The following SEC14L1 variants were observed in gnomAD, a reference collection of about 807,000 sequenced individuals.
SEC14L1 encodes SEC14-like protein 1.
SEC14L1 carries 48 observed loss-of-function variants against 85.3 expected under a neutral mutation model. The ratio of observed to expected loss-of-function variants is 0.56; its 90% CI spans 0.45 to 0.72. SEC14L1 has a LOEUF of 0.72. Ranked by LOEUF, SEC14L1 falls within the 30% of genes least tolerant of loss-of-function variation. The pLI, the probability that SEC14L1 is intolerant of heterozygous loss-of-function variation, is 0.00. For missense variants in SEC14L1, 682 were observed against 921.4 expected, an observed-to-expected ratio of 0.74 and a Z score of 3.36; for synonymous variants, 391 against 355.5, an observed-to-expected ratio of 1.10 and a Z score of -1.12.
At chr17:77,174,668 G>C (rs1974671641) in intron 3 of SEC14L1, among the ~76,000 whole-genome samples, 2 of 152,164 alleles carry the variant, frequency 1.3e-5, no homozygotes, top group South Asian at 2.1e-4. Flanking sequence ...AGTGGGACCT[G>C]TCTCCTCACG....
intron 3 of SEC14L1, among the ~76,000 whole-genome samples, chr17:77,109,627 C>G (rs910972125): frequency 4.6e-5 from 7 of 152,114 alleles, no homozygotes; most frequent in African/African-American, 1.7e-4. Context: ...AAAACAAGGG[C>G]CTCCTATGAT....
At chr17:77,203,507 G>C in intron 9 of SEC14L1, 63 bp from the exon 10 acceptor site, 1 of 1,393,856 alleles carries the variant, frequency 7.2e-7, no homozygotes, top group Non-Finnish European at 1.0e-6. Flanking sequence ...AAGGGTCTTA[G>C]AGTTGTATCC....
At chr17:77,188,950 T>A (rs930701275) in intron 3 of SEC14L1, among the ~76,000 whole-genome samples, 2 of 152,198 alleles carry the variant, frequency 1.3e-5, no homozygotes, top group African/African-American at 2.4e-5. Context: ...TCACTTCCTG[T>A]CTCTTGCACA....
intron 3 of SEC14L1, among the ~76,000 whole-genome samples, chr17:77,167,429 C>A (rs1974334903): frequency 6.6e-6 from 1 of 152,216 alleles, no homozygotes; most frequent in South Asian, 2.1e-4. Flanking sequence ...GCCACTGCGC[C>A]TGGCCAGTTT....
intron 3 of SEC14L1, among the ~76,000 whole-genome samples, chr17:77,189,582 C>A (rs952227761): frequency 4.6e-5 from 7 of 152,086 alleles, no homozygotes; most frequent in South Asian, 2.1e-4. Context: ...GTTTGTAAAT[C>A]CCTCCTCCCA....
intron 3 of SEC14L1, among the ~76,000 whole-genome samples, chr17:77,125,464 T>G (rs1972421817): frequency 1.3e-5 from 2 of 151,544 alleles, no homozygotes; most frequent in Admixed American, 1.3e-4. Context: ...TATTATGTCA[T>G]GCACATGACA....
chr17:77,179,079 G>T (rs777859814), intron 3 of SEC14L1, among the ~76,000 whole-genome samples: 31 of 152,264 alleles, frequency 2.0e-4, no homozygotes, highest in Non-Finnish European at 4.3e-4. Flanking sequence ...ATCATGTCTG[G>T]AACTCTTGGA....
intron 6 of SEC14L1, among the ~76,000 whole-genome samples, chr17:77,194,043 C>T (rs889327800): frequency 2.6e-5 from 4 of 152,096 alleles, no homozygotes; most frequent in Non-Finnish European, 4.4e-5. Flanking sequence ...TTTCAGGGTA[C>T]TGTGTTGGAA....
intron 3 of SEC14L1, among the ~76,000 whole-genome samples, chr17:77,100,788 T>C (rs2143314429): frequency 6.6e-6 from 1 of 152,244 alleles, no homozygotes; most frequent in East Asian, 1.9e-4. Flanking sequence ...CCTGGTGGCC[T>C]CTCAGCGTAA....
At chr17:77,151,589 TG>T (rs1004767230) in intron 3 of SEC14L1, among the ~76,000 whole-genome samples, 187 of 3,484 alleles carry the variant, frequency 0.054, 1 homozygote, top group Admixed American at 0.092. Context: ...CTGATTTACC[TG>T]GTTTTTATAA....
chr17:77,198,578 T>C (rs572943533), intron 8 of SEC14L1, among the ~76,000 whole-genome samples: 392 of 147,636 alleles, frequency 2.7e-3, no homozygotes, highest in Non-Finnish European at 4.3e-3. Flanking sequence ...TGAGATCTCT[T>C]TTTTTTTTTT....
intron 3 of SEC14L1, among the ~76,000 whole-genome samples, chr17:77,110,485 C>T (rs1972020839): frequency 6.6e-6 from 1 of 152,116 alleles, no homozygotes; most frequent in African/African-American, 2.4e-5. Context: ...AGAGACACAG[C>T]CCTCAGGAGG....
chr17:77,148,720 C>T (rs1973423714), intron 3 of SEC14L1, among the ~76,000 whole-genome samples: 1 of 152,196 alleles, frequency 6.6e-6, no homozygotes, highest in Non-Finnish European at 1.5e-5. Context: ...ACCAGGGGTC[C>T]CTTGTTCCTT....
intron 3 of SEC14L1, among the ~76,000 whole-genome samples, chr17:77,108,738 C>CA (rs1207827363): frequency 1.1e-4 from 8 of 72,016 alleles, no homozygotes; most frequent in South Asian, 4.4e-4. Context: ...GGCTCTGTCT[C>CA]AAAAAAAAAG....
chr17:77,142,176 T>C (rs1973083278), intron 1 of SEC14L1, among the ~76,000 whole-genome samples: 1 of 152,160 alleles, frequency 6.6e-6, no homozygotes, highest in African/African-American at 2.4e-5. Context: ...CTTAGCCGTT[T>C]TCACACTGTC....
At chr17:77,122,912 C>T (rs1209639404) in intron 3 of SEC14L1, among the ~76,000 whole-genome samples, 1 of 140,696 alleles carries the variant, frequency 7.1e-6, no homozygotes, top group Non-Finnish European at 1.5e-5. Context: ...CTGAGAATCA[C>T]ACAGCATCCA....
At position 77,194,532 on chromosome 17, in the gene SEC14L1, A is replaced by G. The variant is rs1975702416; in HGVS notation, c.475-145A>G. On this transcript the variant is annotated intron_variant, in intron 6 of 16. Coordinates refer to ENST00000436233, the MANE Select transcript of SEC14L1 (RefSeq NM_001143998.2). ...ATGCCACTGTGCTTTAGCCTGGGCC[A>G]CAAAGCGAGACCCTGTCTCAAAAAA... The G allele has an allele frequency of 1.4e-5, 9 of 648,286 alleles. 1 individual carries two copies. The highest frequency in any genetic ancestry group is 4.2e-4 in the Middle Eastern group (1 of 2,368). The allele number at this position is 648,286 out of a possible 1,614,324, so 40.2% of individuals were successfully genotyped here. A position where few individuals can be genotyped will look rare whatever the true frequency, so the allele number is the denominator to read the frequency against.
At chr17:77,141,816 CTT>C (rs1447037361) in intron 1 of SEC14L1, 1 of 152,222 alleles carries the variant, frequency 6.6e-6, no homozygotes, top group Non-Finnish European at 1.5e-5. Context: ...TCCCCCAACT[CTT>C]GTTTGTACCC....
At chr17:77,146,648 CTTTTT>C (rs556889267) in intron 3 of SEC14L1, among the ~76,000 whole-genome samples, 1 of 146,838 alleles carries the variant, frequency 6.8e-6, no homozygotes, top group African/African-American at 2.5e-5. Context: ...TAGTTAGAAA[CTTTTT>C]TTTTTGCCTC....
Sources: allele counts gnomAD v4.1 joint callset (sites outside exome capture counted in the v4.1 genomes callset), GRCh38; gene constraint gnomAD v4.1.1; transcripts MANE v1.5; gene names NCBI Gene and HGNC (gene_info 2026-07-23, HGNC 2026-07-21).